Variants in KRT34 observed in about 807,000 individuals in gnomAD.
KRT34 encodes keratin, type I cuticular Ha4.
KRT34 carries 31 observed loss-of-function variants against 41.7 expected under a neutral mutation model. That is an observed-to-expected ratio of 0.74 (90% confidence interval 0.56 to 1.00). The LOEUF is 1.00. Among genes scored for constraint, KRT34 ranks in the 50% least tolerant of loss-of-function variants. The pLI, the probability that KRT34 is intolerant of heterozygous loss-of-function variation, is 0.00. For synonymous variants in KRT34, 224 were observed against 212.9 expected (o/e 1.05, Z -0.45); for missense variants, 523 against 500.3 (o/e 1.05, Z -0.43).
In KRT34 at chr17:41,381,134, G is replaced by T. The variant is rs775288505; in HGVS notation, c.510C>A (p.Thr170=). The T allele has an allele frequency of 3.5e-5, 57 of 1,613,948 alleles. No individual in the cohort carries two copies. The highest frequency in any genetic ancestry group is 6.7e-5 in the Admixed American group (4 of 59,990). Reference sequence around the variant, plus strand: ...GGGACTCCAGGTCAGACTTGCAGAGGGTCAGCTCATCCAGGATCCTGCGTA... The same window carrying T: ...GGGACTCCAGGTCAGACTTGCAGAGTGTCAGCTCATCCAGGATCCTGCGTA... ...NSIRRILDEL[T]LCKSDLESQV... is the part of the protein sequence containing the mutation. Residue 170 remains threonine (T), a synonymous_variant, in exon 3 of 7, where the codon ACC becomes ACA. Coordinates refer to ENST00000394001, the MANE Select transcript of KRT34 (RefSeq NM_001386014.1).
rs369876817 is a variant in KRT34, at chr17:41,381,156, C to A, written c.488G>T (p.Arg163Leu). The change falls in exon 3 of 7, where the codon CGC becomes CTC. Residue 163 changes from arginine (R) to leucine (L), a missense_variant. By Grantham distance (102) the Arg-to-Leu change is moderately radical (BLOSUM62 -2). Coordinates refer to ENST00000394001, the MANE Select transcript of KRT34 (RefSeq NM_001386014.1). ...GAGGGTCAGCTCATCCAGGATCCTGCGTATGCTGTTGATGTCCGACTCCAC... is the reference window on the plus strand; with the variant it reads ...GAGGGTCAGCTCATCCAGGATCCTGAGTATGCTGTTGATGTCCGACTCCAC... Reference protein sequence around the residue: ...LLVESDINSIRRILDELTLCK... With the variant: ...LLVESDINSILRILDELTLCK... 9 of 1,614,128 alleles carry A rather than the reference C, an allele frequency of 5.6e-6. No individual in the cohort carries two copies. In the Admixed American group the frequency reaches 8.3e-5, roughly 15 times the overall value.
At chr17:41,381,861 C>T in intron 1 of KRT34, 38 bp downstream of exon 1, 3 of 1,613,090 alleles carry the variant, frequency 1.9e-6, no homozygotes, top group Non-Finnish European at 1.7e-6. Context: ...CAAAGAGAGC[C>T]AGCTGCTGCT....
chr17:41,379,619 G>A lies in KRT34; in HGVS notation c.701C>T (p.Ala234Val), dbSNP rs775089425. The A allele has an allele frequency of 2.9e-5, 47 of 1,614,006 alleles. No individual in the cohort carries two copies. Among genetic ancestry groups the A allele is most frequent in the Non-Finnish European group, 4.0e-5 (47 of 1,179,962 alleles). The change falls in exon 4 of 7, where the codon GCT becomes GTT. Residue 234 changes from alanine (A) to valine (V), a missense_variant. Physicochemically the swap from Ala to Val is moderately conservative, Grantham distance 64 (BLOSUM62 0). Coordinates refer to ENST00000394001, the MANE Select transcript of KRT34 (RefSeq NM_001386014.1). ...VLNETRSQYE[A>V]LVEINRREVE... ...TTCCCTGCGGTTAATTTCCACCAGA[G>A]CCTCATACTGACTCCTGGTCTCGTT...
At chr17:41,383,807 C>A (rs888948381), upstream of KRT34, among the ~76,000 whole-genome samples, 9 of 152,226 alleles carry the variant, frequency 5.9e-5, no homozygotes. Flanking sequence ...CAGATTTACT[C>A]TGTTGTCCCT....
At chr17:41,381,362 A>C in intron 2 of KRT34, 150 bp from the exon 3 acceptor site, 1 of 814,738 alleles carries the variant, frequency 1.2e-6, no homozygotes, top group Non-Finnish European at 1.9e-6. Context: ...GTCCATGGAT[A>C]GGCTGAAGAG....
intron 1 of KRT34, 34 bp from the exon 2 acceptor site, chr17:41,381,829 A>G: frequency 6.2e-7 from 1 of 1,614,002 alleles, no homozygotes; most frequent in South Asian, 1.1e-5. Context: ...GGTACACTTG[A>G]ACTTGAAAAT....
In KRT34 at chr17:41,379,140, C is replaced by G. The variant is rs765551296; in HGVS notation, c.913G>C (p.Ala305Pro). The change falls in exon 6 of 7, where the codon GCC becomes CCC. Residue 305 changes from alanine to proline, a missense_variant. Ala to Pro is a conservative substitution (Grantham distance 27). Coordinates refer to ENST00000394001, the MANE Select transcript of KRT34 (RefSeq NM_001386014.1). Reference protein sequence around the residue: ...SLENTLTESEAHYSSQLSQVQ... With the variant: ...SLENTLTESEPHYSSQLSQVQ... The stretch of plus-strand genomic sequence containing the variant: ...TGGGACAGCTGGGAGCTGTAGTGGG[C>G]CTCGCTCTCCGTCAGCGTGTTTTCC... 1 of 1,614,178 alleles carries G rather than the reference C, an allele frequency of 6.2e-7. No homozygotes were observed. The highest frequency in any genetic ancestry group is 1.1e-5 in the South Asian group (1 of 91,072).
chr17:41,379,291 C>T (rs959013013), intron 5 of KRT34, 62 bp downstream of exon 5: 7 of 1,611,244 alleles, frequency 4.3e-6, no homozygotes, highest in Non-Finnish European at 5.9e-6. Context: ...GCCCCAAGCA[C>T]ATCCCCGGGA....
intron 6 of KRT34, 102 bp from the exon 7 acceptor site, chr17:41,378,248 T>A (rs977623072): frequency 1.0e-5 from 8 of 781,084 alleles, no homozygotes; most frequent in Admixed American, 2.1e-5. Context: ...GTGGCTGGAG[T>A]TAGTTGGAAT....
At position 41,382,156 on chromosome 17, in the gene KRT34, G is replaced by A. The variant is rs753400408; in HGVS notation, c.91C>T (p.Leu31=). ...GCGGGGATGTTGCAGGCCCCAGGCA[G>A]GGTGTAGCCGTGGCAGCTGGGGGGC... The part of the protein sequence containing the change: ...CVPPSCHGYT[L]PGACNIPANV... The change falls in exon 1 of 7, where the codon CTG becomes TTG. Residue 31 remains leucine (L), a synonymous_variant. Coordinates refer to ENST00000394001, the MANE Select transcript of KRT34 (RefSeq NM_001386014.1). The A allele has an allele frequency of 6.2e-7, 1 of 1,612,424 alleles. No individual in the cohort carries two copies. Among genetic ancestry groups the A allele is most frequent in the Non-Finnish European group, 8.5e-7 (1 of 1,180,034 alleles).
At chr17:41,379,519 A>T in intron 4 of KRT34, 41 bp from the exon 5 acceptor site, 2 of 1,614,104 alleles carry the variant, frequency 1.2e-6, no homozygotes, top group Non-Finnish European at 1.7e-6. Flanking sequence ...CCCTGTCTCC[A>T]GGGCCCTGGG....
chr17:41,379,703 C>G lies in KRT34; in HGVS notation c.617G>C (p.Gly206Ala). The G allele has an allele frequency of 1.2e-6, 2 of 1,612,278 alleles. No individual in the cohort carries two copies. ...EEVNTLRSQL[G>A]DRLNVEVDTA... ...GTCCACCTCCACGTTGAGGCGGTCT[C>G]CAAGCTGGGAGCGCAGGGTGTTAAC... The change falls in exon 4 of 7, where the codon GGA (glycine) becomes GCA (alanine). Residue 206 changes from glycine to alanine, a missense_variant. By Grantham distance (60) the Gly-to-Ala change is moderately conservative (BLOSUM62 0). Transcript: ENST00000394001.
rs2017933781 is a variant in KRT34 at position 41,379,596 on chromosome 17, C to T, written c.724G>A (p.Glu242Lys). Reference sequence around the variant, plus strand: ...TGCGTGGCGAACCATTGCTCCACTTCCCTGCGGTTAATTTCCACCAGAGCC... The same window carrying T: ...TGCGTGGCGAACCATTGCTCCACTTTCCTGCGGTTAATTTCCACCAGAGCC... The part of the protein sequence containing the change: ...YEALVEINRR[E>K]VEQWFATQTE... Residue 242 changes from glutamate to lysine, a missense_variant, in exon 4 of 7, where the codon GAA (glutamate) becomes AAA (lysine). Transcript: ENST00000394001. 1.2e-6 allele frequency: 2 copies of T among 1,613,962 alleles called. No individual in the cohort carries two copies. The highest frequency in any genetic ancestry group is 1.3e-5 in the African/African-American group (1 of 74,944).
At position 41,382,203 on chromosome 17, in the gene KRT34, C is replaced by G. The variant is rs200537854; in HGVS notation, c.44G>C (p.Ser15Thr). 1.1e-4 allele frequency: 178 copies of G among 1,612,458 alleles called. No homozygotes were observed. The highest frequency in any genetic ancestry group is 2.3e-4 in the Admixed American group (14 of 60,026). ...CCLPSLGCRT[S>T]CSSRPCVPPS... ...GGGCACGCAGGGCCGGGAGGAGCAGCTGGTGCGGCAGCCCAGGCTGGGCAG... is the reference window on the plus strand; with the variant it reads ...GGGCACGCAGGGCCGGGAGGAGCAGGTGGTGCGGCAGCCCAGGCTGGGCAG... Residue 15 changes from serine (S) to threonine (T), a missense_variant, in exon 1 of 7, where the codon AGC becomes ACC. By Grantham distance (58) the Ser-to-Thr change is moderately conservative. Transcript: ENST00000394001.
In KRT34 at chr17:41,381,152, C is replaced by G. The variant is rs1321183166; in HGVS notation, c.492G>C (p.Arg164Ser). Residue 164 changes from arginine (R) to serine (S), a missense_variant, in exon 3 of 7, where the codon AGG becomes AGC. By Grantham distance (110) the Arg-to-Ser change is moderately radical. Transcript: ENST00000394001. ...TGCAGAGGGTCAGCTCATCCAGGAT[C>G]CTGCGTATGCTGTTGATGTCCGACT... ...LVESDINSIRRILDELTLCKS... is the reference protein window; with the variant it reads ...LVESDINSIRSILDELTLCKS... 6.2e-7 allele frequency: 1 copy of G among 1,614,058 alleles called. No individual in the cohort carries two copies. Among genetic ancestry groups the G allele is most frequent in the East Asian group, 2.2e-5 (1 of 44,886 alleles).
chr17:41,380,882 A>C (rs975299759), intron 3 of KRT34, among the ~76,000 whole-genome samples, 174 bp downstream of exon 3: 3 of 152,162 alleles, frequency 2.0e-5, no homozygotes, highest in African/African-American at 7.2e-5. Context: ...CAGCCGCTGA[A>C]GAATGAGCAG....
At chr17:41,382,495 T>C (rs772308652), upstream of KRT34, 22 of 799,194 alleles carry the variant, frequency 2.8e-5, no homozygotes, top group Non-Finnish European at 3.7e-5. Flanking sequence ...AGGCTCTTCC[T>C]GGGTGCTAGT....
chr17:41,381,030 C>A (rs200436929), intron 3 of KRT34, 26 bp downstream of exon 3: 8 of 1,611,552 alleles, frequency 5.0e-6, no homozygotes, highest in South Asian at 3.3e-5. Flanking sequence ...AGTTCTGAGG[C>A]CTGCTTTTGT....
rs2017970313 is a variant in KRT34, at chr17:41,381,055, C to T, written c.588+1G>A. The stretch of plus-strand genomic sequence containing the variant: ...CCTGCTTTTGTGAATTTGTTTCATA[C>T]CTCCTCATGGTTCTTCTTCAAGCAG... On this transcript the variant is annotated splice_donor_variant, in intron 3 of 6. Transcript: ENST00000394001. LOFTEE classifies it high-confidence loss of function. 3 of 1,613,970 alleles carry T rather than the reference C, an allele frequency of 1.9e-6. No homozygotes were observed. The highest frequency in any genetic ancestry group is 4.5e-5 in the East Asian group (2 of 44,876).
Sources: gnomAD v4.1 joint callset for allele counts (sites outside exome capture counted in the v4.1 genomes callset) on GRCh38, gnomAD v4.1.1 for gene constraint, MANE v1.5 for transcripts, NCBI Gene and HGNC (gene_info 2026-07-23, HGNC 2026-07-21) for gene names.